Variants in HMCN1 observed in about 807,000 individuals in gnomAD.
The protein encoded by HMCN1 is hemicentin-1.
Under a neutral mutation model 625.9 loss-of-function variants are expected in HMCN1, and 321 were observed. The observed-to-expected ratio is 0.51, with a 90% CI of 0.47 to 0.56. HMCN1 has a LOEUF of 0.56. Ranked by LOEUF, HMCN1 falls within the 20% of genes least tolerant of loss-of-function variation. The probability of loss-of-function intolerance (pLI) is 0.00; values close to 1 mark genes in which losing one functional copy is unlikely to be tolerated. For synonymous variants in HMCN1, 2,425 were observed against 2,417.6 expected (o/e 1.00, Z -0.09); for missense variants, 6,588 against 6,887.3 (o/e 0.96, Z 1.54).
chr1:186,146,772 T>C (rs115665472), intron 93 of HMCN1, among the ~76,000 whole-genome samples: 1,919 of 152,282 alleles, frequency 0.013, 30 homozygotes, highest in African/African-American at 0.044. Flanking sequence ...TCAGCTTCAG[T>C]TGATGCACTT....
intron 1 of HMCN1, among the ~76,000 whole-genome samples, chr1:185,821,612 T>C (rs1660188569): frequency 6.6e-6 from 1 of 152,052 alleles, no homozygotes; most frequent in Non-Finnish European, 1.5e-5. Context: ...TGTACTTGTA[T>C]ACTATGTTTC....
chr1:186,181,465 A>G (rs1054622653), intron 104 of HMCN1, among the ~76,000 whole-genome samples: 3 of 152,190 alleles, frequency 2.0e-5, no homozygotes, highest in Admixed American at 2.0e-4. Context: ...ATATTACTGT[A>G]TATGAACCTT....
chr1:186,067,845 A>G lies in HMCN1; in HGVS notation c.7717A>G (p.Ile2573Val). ...TTCATCTTTTTCAGTATCTCCTACA[A>G]TTGCTGGTGTAGGTAGTGATGGCAA... is the stretch of plus-strand genomic sequence containing the variant. ...FSLNVFVSPT[I>V]AGVGSDGNPE... Residue 2573 changes from isoleucine (I) to valine (V), a missense_variant, in exon 50 of 107, where the codon ATT becomes GTT. By Grantham distance (29) the Ile-to-Val change is conservative (BLOSUM62 3). Coordinates refer to ENST00000271588, the MANE Select transcript of HMCN1 (RefSeq NM_031935.3). 2 of 1,607,430 alleles carry G rather than the reference A, an allele frequency of 1.2e-6. No homozygotes were observed. Among genetic ancestry groups the G allele is most frequent in the Non-Finnish European group, 1.7e-6 (2 of 1,173,888 alleles).
chr1:186,072,593 G>A (rs1658543361), intron 52 of HMCN1, among the ~76,000 whole-genome samples: 1 of 152,184 alleles, frequency 6.6e-6, no homozygotes, highest in Admixed American at 6.6e-5. Context: ...ATGAGAGAAG[G>A]AAACCAAGGG....
At chr1:186,109,953 T>G (rs1023765254) in intron 71 of HMCN1, among the ~76,000 whole-genome samples, 1 of 152,200 alleles carries the variant, frequency 6.6e-6, no homozygotes, top group African/African-American at 2.4e-5. Flanking sequence ...AGGTAAAAAC[T>G]GAGTGAATGT....
At chr1:185,957,438 C>T (rs998885808) in intron 11 of HMCN1, among the ~76,000 whole-genome samples, 17 of 151,938 alleles carry the variant, frequency 1.1e-4, no homozygotes, top group African/African-American at 2.7e-4. Context: ...GAGAAGGGGA[C>T]GTTTTTATAT....
At position 185,962,522 on chromosome 1, in the gene HMCN1, A is replaced by G. The variant is rs755520449; in HGVS notation, c.1833A>G (p.Pro611=). Residue 611 remains proline (P), a synonymous_variant, in exon 12 of 107, where the codon CCA becomes CCG. Transcript: ENST00000271588. ...AASVFLTVQE[P]PKVTVMPKNQ... is the part of the protein sequence containing the mutation. ...TACGTATATTTTTATTTGCAGAACC[A>G]CCCAAAGTCACTGTGATGCCCAAGA... The G allele has an allele frequency of 6.2e-7, 1 of 1,613,138 alleles. No individual in the cohort carries two copies. The highest frequency in any genetic ancestry group is 1.1e-5 in the South Asian group (1 of 91,070).
intron 89 of HMCN1, among the ~76,000 whole-genome samples, chr1:186,140,230 T>C (rs1485424290): frequency 6.6e-6 from 1 of 152,210 alleles, no homozygotes; most frequent in African/African-American, 2.4e-5. Flanking sequence ...TGTAACTCTT[T>C]TTCCCCCATT....
Position 186,178,537 on chromosome 1 carries a change from TG to T in HMCN1, c.16067del (p.Gly5356AspfsTer23). 6.2e-7 allele frequency: 1 copy of T among 1,614,114 alleles called. No homozygotes were observed. Among genetic ancestry groups the T allele is most frequent in the Non-Finnish European group, 8.5e-7 (1 of 1,179,992 alleles). On this transcript the variant is annotated frameshift_variant, in exon 104 of 107. Transcript: ENST00000271588. LOFTEE classifies it high-confidence loss of function. ...TATTAGGGGACGGGAAATCTTGCGCTGGATTGGAGAGGCTGCCAAATTATGG... is the reference window on the plus strand; with the variant it reads ...TATTAGGGGACGGGAAATCTTGCGCTGATTGGAGAGGCTGCCAAATTATGG... ...HLLGDGKSCA[G>X]LERLPNYGTQ...
chr1:186,155,374 C>T (rs1282335254), intron 97 of HMCN1, among the ~76,000 whole-genome samples: 1 of 152,152 alleles, frequency 6.6e-6, no homozygotes, highest in Non-Finnish European at 1.5e-5. Context: ...TGCCATGCCA[C>T]TTGAACAAAA....
intron 30 of HMCN1, among the ~76,000 whole-genome samples, chr1:186,014,433 A>T (rs1207025471): frequency 6.6e-6 from 1 of 151,962 alleles, no homozygotes; most frequent in Admixed American, 6.6e-5. Flanking sequence ...ATTGATACTC[A>T]AATTCATACA....
intron 11 of HMCN1, among the ~76,000 whole-genome samples, chr1:185,947,936 TTACC>T (rs1228133255): frequency 6.6e-6 from 1 of 152,214 alleles, no homozygotes; most frequent in Non-Finnish European, 1.5e-5. Context: ...CTTGCTGGAC[TTACC>T]TCCCTAATCA....
chr1:185,781,646 A>G (rs1222823776), intron 1 of HMCN1, among the ~76,000 whole-genome samples: 1 of 152,202 alleles, frequency 6.6e-6, no homozygotes, highest in African/African-American at 2.4e-5. Flanking sequence ...GTTTCCATGT[A>G]GTTGAGCCAT....
At chr1:185,981,553 T>C (rs1651637528) in intron 17 of HMCN1, among the ~76,000 whole-genome samples, 1 of 152,194 alleles carries the variant, frequency 6.6e-6, no homozygotes, top group Non-Finnish European at 1.5e-5. Flanking sequence ...CCCATGTCTA[T>C]TCCTTAGAAT....
chr1:185,950,482 C>T (rs1484916403), intron 11 of HMCN1, among the ~76,000 whole-genome samples: 1 of 151,802 alleles, frequency 6.6e-6, no homozygotes, highest in African/African-American at 2.4e-5. Flanking sequence ...TCTGACCGCG[C>T]TAACCATGCC....
chr1:186,054,899 T>C (rs12740578), intron 44 of HMCN1, among the ~76,000 whole-genome samples: 1 of 151,948 alleles, frequency 6.6e-6, no homozygotes, highest in African/African-American at 2.4e-5. Flanking sequence ...CCAGCAGACC[T>C]CTGTGTAGGT....
chr1:186,043,941 C>T (rs1329152576), intron 40 of HMCN1, among the ~76,000 whole-genome samples: 3 of 152,100 alleles, frequency 2.0e-5, no homozygotes, highest in African/African-American at 4.8e-5. Context: ...ATTAGCCAGG[C>T]GTGGTGGCAC....
chr1:185,925,259 G>A, intron 9 of HMCN1, 68 bp downstream of exon 9: 1 of 1,452,202 alleles, frequency 6.9e-7, no homozygotes, highest in Non-Finnish European at 9.7e-7. Flanking sequence ...GACTATTATT[G>A]CAGTGTACTT....
Position 185,987,416 on chromosome 1 carries a change from C to T in HMCN1, c.2936-16C>T. 3.3e-6 allele frequency: 5 copies of T among 1,537,416 alleles called. No homozygotes were observed. Among genetic ancestry groups the T allele is most frequent in the Non-Finnish European group, 4.5e-6 (5 of 1,110,046 alleles). On this transcript the variant is annotated splice_polypyrimidine_tract_variant and intron_variant, in intron 19 of 106. Transcript: ENST00000271588. ...AGAACAGGTGCTCAGATTCCAAATC[C>T]TACTTACCTTTTCAGTTCTGCCAAC...
Sources: allele counts gnomAD v4.1 joint callset (sites outside exome capture counted in the v4.1 genomes callset), GRCh38; gene constraint gnomAD v4.1.1; transcripts MANE v1.5; gene names NCBI Gene and HGNC (gene_info 2026-07-23, HGNC 2026-07-21).